The following RAB3C variants were observed in gnomAD, a reference collection of about 807,000 sequenced individuals.
The protein encoded by RAB3C is RAB3C, member RAS oncogene family.
RAB3C carries 17 observed loss-of-function variants against 26.4 expected under a neutral mutation model. The observed-to-expected ratio is 0.64, with a 90% CI of 0.44 to 0.97. The LOEUF is 0.97. RAB3C is among the 50% of genes least tolerant of loss of function. The probability of loss-of-function intolerance (pLI) is 0.00; values close to 1 mark genes in which losing one functional copy is unlikely to be tolerated. For missense variants in RAB3C, 242 were observed against 281.9 expected, an observed-to-expected ratio of 0.86 and a Z score of 1.01; for synonymous variants, 91 against 95.9, an observed-to-expected ratio of 0.95 and a Z score of 0.30.
chr5:58,819,379 C>T (rs543631980), intron 3 of RAB3C, among the ~76,000 whole-genome samples: 2 of 152,310 alleles, frequency 1.3e-5, no homozygotes, highest in Non-Finnish European at 2.9e-5. Context: ...TCTTCTGATG[C>T]TAATTCCTAT....
chr5:58,771,262 A>ATACGT (rs150172025), intron 3 of RAB3C, among the ~76,000 whole-genome samples: 1 of 152,082 alleles, frequency 6.6e-6, no homozygotes, highest in Non-Finnish European at 1.5e-5. Flanking sequence ...GAATATGAAT[A>ATACGT]AATAATTTAT....
At chr5:58,595,047 A>G (rs75134465) in intron 1 of RAB3C, among the ~76,000 whole-genome samples, 3,319 of 152,186 alleles carry the variant, frequency 0.022, 118 homozygotes, top group African/African-American at 0.077. Flanking sequence ...TTAGCTGTCA[A>G]TGCTTTCTAA....
intron 2 of RAB3C, among the ~76,000 whole-genome samples, chr5:58,675,691 G>A (rs1002536535): frequency 6.2e-5 from 9 of 144,782 alleles, no homozygotes; most frequent in African/African-American, 2.3e-4. Context: ...CAAATCAGTA[G>A]CACTCCAACC....
At chr5:58,779,531 C>T (rs527250628) in intron 3 of RAB3C, among the ~76,000 whole-genome samples, 47 of 151,896 alleles carry the variant, frequency 3.1e-4, no homozygotes, top group African/African-American at 1.1e-3. Flanking sequence ...ACTACAGGCA[C>T]TCACCACAAC....
chr5:58,857,370 G>A lies in RAB3C; in HGVS notation c.*6019G>A, dbSNP rs1015311678. ...ATCTCTTAGAATTGTGGATTTTATTGTCAAGACAGAATGGCTGTTCATTTA... is the reference window on the plus strand; with the variant it reads ...ATCTCTTAGAATTGTGGATTTTATTATCAAGACAGAATGGCTGTTCATTTA... On this transcript the variant is annotated 3_prime_UTR_variant, in exon 5 of 5. Coordinates refer to ENST00000282878, the MANE Select transcript of RAB3C (RefSeq NM_138453.4). 6.6e-6 allele frequency: 1 copy of A among 152,082 alleles called. No individual in the cohort carries two copies. The highest frequency in any genetic ancestry group is 2.1e-4 in the South Asian group (1 of 4,834). 9.4% of individuals were successfully genotyped at this position (152,082 alleles called of 1,614,324 possible).
chr5:58,677,976 T>TTGTGTGTGTG (rs70973149), intron 2 of RAB3C, among the ~76,000 whole-genome samples: 3,839 of 147,858 alleles, frequency 0.026, 85 homozygotes, highest in African/African-American at 0.067. Context: ...CTAGATTATT[T>TTGTGTGTGTG]TGTGTGTGTG....
chr5:58,699,839 A>G (rs1748803882), intron 2 of RAB3C, among the ~76,000 whole-genome samples: 1 of 152,214 alleles, frequency 6.6e-6, no homozygotes, highest in Admixed American at 6.5e-5. Context: ...GTATTTAGGC[A>G]GGAGTGTCCC....
intron 1 of RAB3C, among the ~76,000 whole-genome samples, chr5:58,590,686 G>A (rs879800607): frequency 6.6e-6 from 1 of 151,972 alleles, no homozygotes; most frequent in African/African-American, 2.4e-5. Context: ...GGGAACACAG[G>A]CGCCCACCAC....
chr5:58,701,014 G>A (rs561306489), intron 2 of RAB3C, among the ~76,000 whole-genome samples: 5 of 146,206 alleles, frequency 3.4e-5, no homozygotes, highest in South Asian at 2.2e-4. Flanking sequence ...TTATTTATTT[G>A]AGATGGACTC....
In RAB3C at chr5:58,858,099, G is replaced by A. The variant is rs1744303161; in HGVS notation, c.*6748G>A. The stretch of plus-strand genomic sequence containing the variant: ...GTTGGTTCTAGATGACCATGGCCAT[G>A]TGTTCATCATATAAAACCTTCAGTT... On this transcript the variant is annotated 3_prime_UTR_variant, in exon 5 of 5. Coordinates refer to ENST00000282878, the MANE Select transcript of RAB3C (RefSeq NM_138453.4). 1.3e-5 allele frequency: 2 copies of A among 152,190 alleles called. No homozygotes were observed. The highest frequency in any genetic ancestry group is 4.1e-4 in the South Asian group (2 of 4,834). The allele number at this position is 152,190 out of a possible 1,614,324, so 9.4% of individuals were successfully genotyped here.
At chr5:58,759,318 A>C (rs1741744219) in intron 3 of RAB3C, among the ~76,000 whole-genome samples, 1 of 152,184 alleles carries the variant, frequency 6.6e-6, no homozygotes, top group South Asian at 2.1e-4. Flanking sequence ...TTAAAGAGAA[A>C]TGTAAGTTAG....
In RAB3C at chr5:58,825,123, A is replaced by T; in HGVS notation, c.457A>T (p.Ile153Phe). ...NKCDMEDERV[I>F]STERGQHLGE... ...GTGTGACATGGAAGACGAGCGGGTCATCTCAACTGAGCGAGGTCAACATTT... is the reference window on the plus strand; with the variant it reads ...GTGTGACATGGAAGACGAGCGGGTCTTCTCAACTGAGCGAGGTCAACATTT... The change falls in exon 4 of 5, where the codon ATC (isoleucine) becomes TTC (phenylalanine). Residue 153 changes from isoleucine to phenylalanine, a missense_variant. Coordinates refer to ENST00000282878, the MANE Select transcript of RAB3C (RefSeq NM_138453.4). 1 of 1,613,232 alleles carries T rather than the reference A, an allele frequency of 6.2e-7. No homozygotes were observed. Among genetic ancestry groups the T allele is most frequent in the Non-Finnish European group, 8.5e-7 (1 of 1,179,308 alleles).
intron 3 of RAB3C, among the ~76,000 whole-genome samples, chr5:58,729,368 T>G (rs977861803): frequency 1.3e-5 from 2 of 151,886 alleles, no homozygotes; most frequent in Non-Finnish European, 2.9e-5. Context: ...AGAATTCTTA[T>G]CATCTTGCAA....
At chr5:58,794,300 C>T (rs1561132316) in intron 3 of RAB3C, 1 of 144,288 alleles carries the variant, frequency 6.9e-6, no homozygotes, top group African/African-American at 2.6e-5. Context: ...ACAGAATTTA[C>T]AATTTAAAAG....
intron 3 of RAB3C, among the ~76,000 whole-genome samples, chr5:58,730,164 T>C (rs2111927662): frequency 1.3e-5 from 2 of 151,948 alleles, no homozygotes; most frequent in African/African-American, 2.4e-5. Flanking sequence ...TTGTCTTAAG[T>C]TCCTACTACA....
intron 1 of RAB3C, among the ~76,000 whole-genome samples, chr5:58,586,498 CAG>C (rs1746010794): frequency 6.6e-6 from 1 of 152,038 alleles, no homozygotes; most frequent in African/African-American, 2.4e-5. Flanking sequence ...ATAAACTAAA[CAG>C]AATATTTGAA....
At chr5:58,825,638 G>A (rs946526519) in intron 4 of RAB3C, among the ~76,000 whole-genome samples, 2 of 152,122 alleles carry the variant, frequency 1.3e-5, no homozygotes, top group Non-Finnish European at 2.9e-5. Context: ...TTGAGACTTA[G>A]TCACCCCATC....
intron 4 of RAB3C, among the ~76,000 whole-genome samples, chr5:58,845,088 T>C (rs1743959660): frequency 6.6e-6 from 1 of 152,200 alleles, no homozygotes; most frequent in Admixed American, 6.5e-5. Flanking sequence ...CAGTCACATG[T>C]GGAATGGAGT....
intron 3 of RAB3C, among the ~76,000 whole-genome samples, chr5:58,746,584 G>A (rs940414052): frequency 2.6e-5 from 4 of 152,048 alleles, no homozygotes; most frequent in Admixed American, 2.6e-4. Context: ...GATGTGATTC[G>A]GCTCCATCTT....
Sources: allele counts gnomAD v4.1 joint callset (sites outside exome capture counted in the v4.1 genomes callset), GRCh38; gene constraint gnomAD v4.1.1; transcripts MANE v1.5; gene names NCBI Gene and HGNC (gene_info 2026-07-23, HGNC 2026-07-21).